ACSBG1: variants seen among roughly 807,000 people sequenced by gnomAD.
The protein encoded by ACSBG1 is long-chain-fatty-acid--CoA ligase ACSBG1.
A neutral mutation model predicts 80.2 loss-of-function variants in ACSBG1; 39 were observed. The observed-to-expected ratio is 0.49, with a 90% confidence interval of 0.38 to 0.64. ACSBG1 has a LOEUF of 0.64. Ranked by LOEUF, ACSBG1 falls within the 30% of genes least tolerant of loss-of-function variation. The pLI is 0.00. For synonymous variants in ACSBG1, 392 were observed against 379.5 expected (o/e 1.03, Z -0.38); for missense variants, 828 against 966.4 (o/e 0.86, Z 1.90).
chr15:78,226,249 C>T (rs2141390505), intron 1 of ACSBG1, among the ~76,000 whole-genome samples: 1 of 152,230 alleles, frequency 6.6e-6, no homozygotes, highest in Admixed American at 6.5e-5. Context: ...AGAAATCCCA[C>T]CACTTTTGCC....
At chr15:78,183,251 A>C (rs1319569555) in intron 5 of ACSBG1, among the ~76,000 whole-genome samples, 1 of 152,236 alleles carries the variant, frequency 6.6e-6, no homozygotes, top group Non-Finnish European at 1.5e-5. Flanking sequence ...GTGCAATGTA[A>C]ATATATGTAT....
chr15:78,170,384 T>C lies in ACSBG1; in HGVS notation c.*1060A>G, dbSNP rs905517297. The C allele has an allele frequency of 8.6e-5, 13 of 151,946 alleles. No homozygotes were observed. Among genetic ancestry groups the C allele is most frequent in the Admixed American group, 8.5e-4 (13 of 15,236 alleles). The allele number at this position is 151,946 out of a possible 1,614,324, so 9.4% of individuals were successfully genotyped here. A position where few individuals can be genotyped will look rare whatever the true frequency, so the allele number is the denominator to read the frequency against. ...GATTTTTTTTTTTTTAGCAATGATATCCCTGTCTGGGTCACTTTTTAAGCT... is the reference window on the plus strand; with the variant it reads ...GATTTTTTTTTTTTTAGCAATGATACCCCTGTCTGGGTCACTTTTTAAGCT... On this transcript the variant is annotated 3_prime_UTR_variant, in exon 14 of 14. Transcript: ENST00000258873.
chr15:78,178,486 G>A lies in ACSBG1; in HGVS notation c.1702+128C>T. ...GCTAATTTTTCGTGTGTTTTTAGTA[G>A]AGATGGGGTTTCGCTGTGCTGCCCA... On this transcript the variant is annotated intron_variant, in intron 11 of 13. Coordinates refer to ENST00000258873, the MANE Select transcript of ACSBG1 (RefSeq NM_015162.5). The surrounding 1 kb of genome is among the most constrained non-coding windows in gnomAD (Gnocchi z 4.3). 2 of 1,017,736 alleles carry A rather than the reference G, an allele frequency of 2.0e-6. No individual in the cohort carries two copies. Among genetic ancestry groups the A allele is most frequent in the Non-Finnish European group, 2.8e-6 (2 of 721,708 alleles). The allele number at this position is 1,017,736 out of a possible 1,614,324, so 63.0% of individuals were successfully genotyped here.
intron 1 of ACSBG1, among the ~76,000 whole-genome samples, chr15:78,213,087 T>C (rs866868721): frequency 3.3e-5 from 5 of 152,178 alleles, no homozygotes; most frequent in African/African-American, 9.7e-5. Flanking sequence ...GAGAATGTTC[T>C]CCATGGAAGG....
rs1304728012 is a variant in ACSBG1, at chr15:78,172,918, C to T, written c.2089+675G>A. On this transcript the variant is annotated intron_variant, in intron 13 of 13. Transcript: ENST00000258873. The surrounding 1 kb of genome is among the most constrained non-coding windows in gnomAD (Gnocchi z 4.1). ...TTTCCGGAAGATCACAGTACTCTCA[C>T]CCCTAGAACCACGTGACTCCAGGCT... Among the ~76,000 whole-genome samples, 1 of 152,232 alleles carries T rather than the reference C, an allele frequency of 6.6e-6. No individual in the cohort carries two copies. The highest frequency in any genetic ancestry group is 1.5e-5 in the Non-Finnish European group (1 of 68,040).
chr15:78,207,925 A>ACCACCCCCCCCCCCCCC, intron 2 of ACSBG1, 77 bp downstream of exon 2: 5 of 454,972 alleles, frequency 1.1e-5, no homozygotes, highest in East Asian at 6.1e-5. Flanking sequence ...GGTCCCCCAC[A>ACCACCCCCCCCCCCCCC]CCACCCACCC....
rs762182242 is a variant in ACSBG1 at position 78,178,643 on chromosome 15, C to G, written c.1673G>C (p.Gly558Ala). The change falls in exon 11 of 14, where the codon GGC (glycine) becomes GCC (alanine). Residue 558 changes from glycine to alanine, a missense_variant. By Grantham distance (60) the Gly-to-Ala change is moderately conservative. Around this residue, in one of 3 missense-constraint regions of ACSBG1, gnomAD observed 201 missense variants for 227.0 expected, o/e 0.89. Transcript: ENST00000258873. This position sits in a 1 kb window ranked among gnomAD's most constrained non-coding sequence, Gnocchi z 4.3. ...GAGGCGCCCAGTGATGTAGAGGAAG[C>G]CATCGGCGTCCAGGCGGCCAGCATC... ...TGDAGRLDAD[G>A]FLYITGRLKE... 1 of 1,613,220 alleles carries G rather than the reference C, an allele frequency of 6.2e-7. No individual in the cohort carries two copies. Among genetic ancestry groups the G allele is most frequent in the South Asian group, 1.1e-5 (1 of 90,996 alleles).
At chr15:78,207,560 T>C (rs1160549813) in intron 2 of ACSBG1, among the ~76,000 whole-genome samples, 1 of 152,000 alleles carries the variant, frequency 6.6e-6, no homozygotes, top group Admixed American at 6.6e-5. Flanking sequence ...ACATGTAATG[T>C]TTCAAGCCTC....
At chr15:78,173,982 G>T in intron 12 of ACSBG1, 143 bp from the exon 13 acceptor site, 1 of 1,040,538 alleles carries the variant, frequency 9.6e-7, no homozygotes, top group Non-Finnish European at 1.4e-6. Flanking sequence ...ATGAGTAGCT[G>T]CTACTGTGTT....
chr15:78,176,546 A>G (rs1251317423), intron 11 of ACSBG1, among the ~76,000 whole-genome samples: 1 of 152,236 alleles, frequency 6.6e-6, no homozygotes, highest in Non-Finnish European at 1.5e-5. Context: ...CTGAGCTGAA[A>G]AAAAAATTTT....
chr15:78,202,203 CTAT>C (rs138759640), intron 2 of ACSBG1, among the ~76,000 whole-genome samples: 8 of 151,622 alleles, frequency 5.3e-5, no homozygotes, highest in African/African-American at 1.5e-4. Context: ...ATGTTCTTTC[CTAT>C]TATTATTATT....
In ACSBG1 at chr15:78,232,690, T is replaced by C. The variant is rs75169101; in HGVS notation, c.131+1681A>G. On this transcript the variant is annotated intron_variant, in intron 1 of 13. Coordinates refer to ENST00000258873, the MANE Select transcript of ACSBG1 (RefSeq NM_015162.5). ...GGCACATTTATTTCTTTTTCTTCTT[T>C]TTTTTTTTTTTGAGAAGGACTTTTG... 8.6e-3 allele frequency among the ~76,000 whole-genome samples: 1,306 copies of C among 151,456 alleles called. 25 individuals carry two copies. Among genetic ancestry groups the C allele is most frequent in the African/African-American group, 0.029 (1,202 of 41,308 alleles).
chr15:78,219,987 A>AAAACAAAC (rs57877790), intron 1 of ACSBG1, among the ~76,000 whole-genome samples: 2 of 152,000 alleles, frequency 1.3e-5, no homozygotes, highest in Admixed American at 6.6e-5. Flanking sequence ...TCCGTCTCAA[A>AAAACAAAC]AAACAAACAA....
intron 1 of ACSBG1, among the ~76,000 whole-genome samples, chr15:78,216,336 G>C (rs948118685): frequency 2.6e-5 from 4 of 152,134 alleles, no homozygotes; most frequent in South Asian, 4.1e-4. Context: ...AGGGTTGCTG[G>C]GCCCAGGCTT....
intron 2 of ACSBG1, among the ~76,000 whole-genome samples, chr15:78,197,235 C>A (rs1463799889): frequency 6.6e-6 from 1 of 152,010 alleles, no homozygotes; most frequent in East Asian, 1.9e-4. Flanking sequence ...TTGCCCCGGG[C>A]TGGAGGTGGG....
chr15:78,204,744 G>A (rs1332805438), intron 2 of ACSBG1, among the ~76,000 whole-genome samples: 4 of 152,280 alleles, frequency 2.6e-5, no homozygotes, highest in East Asian at 1.9e-4. Flanking sequence ...CTGTCCCAAC[G>A]GCCTCCTCCT....
chr15:78,198,285 C>G (rs900081589), intron 2 of ACSBG1, among the ~76,000 whole-genome samples: 1 of 152,132 alleles, frequency 6.6e-6, no homozygotes, highest in African/African-American at 2.4e-5. Context: ...AAGTGATTGA[C>G]CTGCCTTGGC....
chr15:78,182,154 C>CA lies in ACSBG1; in HGVS notation c.895-10dup. The CA allele has an allele frequency of 6.2e-7, 1 of 1,605,408 alleles. No homozygotes were observed. The highest frequency in any genetic ancestry group is 8.5e-7 in the Non-Finnish European group (1 of 1,179,298). On this transcript the variant is annotated splice_polypyrimidine_tract_variant and intron_variant, in intron 7 of 13. Coordinates refer to ENST00000258873, the MANE Select transcript of ACSBG1 (RefSeq NM_015162.5). Reference sequence around the variant, plus strand: ...CGTGCCGTCCACGTGATCTGGAGGACAAGTAGATGGATCCCAGCAGTGTCC... The same window carrying CA: ...CGTGCCGTCCACGTGATCTGGAGGACAAAGTAGATGGATCCCAGCAGTGTCC...
At chr15:78,176,455 C>A (rs1012992674) in intron 11 of ACSBG1, among the ~76,000 whole-genome samples, 5 of 151,518 alleles carry the variant, frequency 3.3e-5, no homozygotes, top group African/African-American at 1.2e-4. Context: ...TCATTTGATA[C>A]AAAGCCAATA....
Sources: allele counts gnomAD v4.1 joint callset (sites outside exome capture counted in the v4.1 genomes callset), GRCh38; gene constraint gnomAD v4.1.1; regional missense constraint gnomAD v4.1.1; non-coding constraint Gnocchi (gnomAD v3.1); transcripts MANE v1.5; gene names NCBI Gene and HGNC (gene_info 2026-07-23, HGNC 2026-07-21).